The following DNAJC1 variants were observed in gnomAD, a reference collection of about 807,000 sequenced individuals.
The protein encoded by DNAJC1 is DnaJ heat shock protein family (Hsp40) member C1.
A neutral mutation model predicts 76.6 loss-of-function variants in DNAJC1; 58 were observed. That is an observed-to-expected ratio of 0.76 (90% CI 0.61 to 0.94). DNAJC1 has a LOEUF of 0.94. DNAJC1 is among the 40% of genes least tolerant of loss of function. DNAJC1 has a pLI of 0.00. For synonymous variants in DNAJC1, 258 were observed against 267.9 expected (o/e 0.96, Z 0.36); for missense variants, 689 against 677.3 (o/e 1.02, Z -0.19).
intron 1 of DNAJC1, among the ~76,000 whole-genome samples, chr10:21,930,332 T>C (rs1036947825): frequency 2.0e-5 from 3 of 152,194 alleles, no homozygotes; most frequent in Non-Finnish European, 2.9e-5. Flanking sequence ...CATATTAATA[T>C]TGGGCAAAAT....
chr10:21,769,475 A>C (rs1834347062), intron 9 of DNAJC1, among the ~76,000 whole-genome samples: 1 of 152,196 alleles, frequency 6.6e-6, no homozygotes, highest in South Asian at 2.1e-4. Flanking sequence ...TGAGAAGCTA[A>C]AACAAGCAGG....
Position 21,919,933 on chromosome 10 carries a change from A to T in DNAJC1, c.538-4T>A, listed in dbSNP as rs1837014071. 6.4e-7 allele frequency: 1 copy of T among 1,566,116 alleles called. No homozygotes were observed. Among genetic ancestry groups the T allele is most frequent in the Middle Eastern group, 1.7e-4 (1 of 5,894 alleles). On this transcript the variant is annotated splice_region_variant and splice_polypyrimidine_tract_variant and intron_variant, in intron 4 of 11. Coordinates refer to ENST00000376980, the MANE Select transcript of DNAJC1 (RefSeq NM_022365.4). ...TTTTTCTACTTAGTAGTTCATCCTT[A>T]ATGTGGAAAGAATTATGGTTACAGG...
chr10:21,960,443 G>A (rs1010510878), intron 1 of DNAJC1, among the ~76,000 whole-genome samples: 2 of 152,188 alleles, frequency 1.3e-5, no homozygotes, highest in Non-Finnish European at 2.9e-5. Context: ...GACAACTAAG[G>A]CCGGGTGCCT....
chr10:21,882,410 C>T lies in DNAJC1; in HGVS notation c.850G>A (p.Glu284Lys). Residue 284 changes from glutamate (E) to lysine (K), a missense_variant, in exon 8 of 12, where the codon GAA becomes AAA. Glu to Lys is a moderately conservative substitution (Grantham distance 56). Coordinates refer to ENST00000376980, the MANE Select transcript of DNAJC1 (RefSeq NM_022365.4). ...TCTAAAGGTGTGTATACAGGAAATT[C>T]AGGTTTTGGTTTTTTAACTTTCTTC... ...KQKKVKKPKP[E>K]FPVYTPLETT... The T allele has an allele frequency of 6.6e-7, 1 of 1,515,702 alleles. No individual in the cohort carries two copies. Among genetic ancestry groups the T allele is most frequent in the Non-Finnish European group, 8.8e-7 (1 of 1,138,624 alleles). The allele number at this position is 1,515,702 out of a possible 1,614,324, so 93.9% of individuals were successfully genotyped here.
chr10:21,876,177 C>G (rs1441588574), intron 8 of DNAJC1, among the ~76,000 whole-genome samples: 3 of 150,356 alleles, frequency 2.0e-5, no homozygotes, highest in Non-Finnish European at 4.4e-5. Context: ...GTGGCATGAT[C>G]TCTGCTCACT....
At chr10:21,986,449 C>G (rs1312984122) in intron 1 of DNAJC1, among the ~76,000 whole-genome samples, 1 of 152,044 alleles carries the variant, frequency 6.6e-6, no homozygotes, top group Non-Finnish European at 1.5e-5. Flanking sequence ...ATTTGTATAT[C>G]TTCTTGGGTA....
chr10:21,996,138 T>C (rs1322708748), intron 1 of DNAJC1, among the ~76,000 whole-genome samples: 1 of 152,226 alleles, frequency 6.6e-6, no homozygotes, highest in Non-Finnish European at 1.5e-5. Context: ...AATCTCTCTT[T>C]CCACTGCAAT....
chr10:21,947,505 AT>A (rs1837523806), intron 1 of DNAJC1, among the ~76,000 whole-genome samples: 1 of 152,136 alleles, frequency 6.6e-6, no homozygotes, highest in Non-Finnish European at 1.5e-5. Context: ...TAGTAAGTAT[AT>A]TTTCTCTTAT....
intron 6 of DNAJC1, among the ~76,000 whole-genome samples, chr10:21,909,043 C>T (rs577438513): frequency 3.7e-4 from 57 of 152,266 alleles, no homozygotes; most frequent in African/African-American, 1.3e-3. Context: ...CCCACCACCA[C>T]GTCTGGCTAA....
chr10:21,819,307 A>C (rs1835120270), intron 8 of DNAJC1, among the ~76,000 whole-genome samples: 2 of 152,036 alleles, frequency 1.3e-5, no homozygotes, highest in African/African-American at 4.8e-5. Flanking sequence ...AAGCTGAGGC[A>C]GGAAAATCAC....
chr10:21,926,892 T>A (rs753853789), intron 3 of DNAJC1, among the ~76,000 whole-genome samples: 1 of 152,226 alleles, frequency 6.6e-6, no homozygotes, highest in Non-Finnish European at 1.5e-5. Context: ...ACAATTTATA[T>A]ATGAGAAGTG....
At chr10:21,875,690 C>A (rs1251960739) in intron 8 of DNAJC1, among the ~76,000 whole-genome samples, 1 of 152,182 alleles carries the variant, frequency 6.6e-6, no homozygotes, top group East Asian at 1.9e-4. Context: ...GTTTGGGAGG[C>A]CGAGGCAGGC....
intron 8 of DNAJC1, among the ~76,000 whole-genome samples, chr10:21,816,077 G>T (rs942681436): frequency 1.3e-5 from 2 of 151,318 alleles, no homozygotes; most frequent in Non-Finnish European, 2.9e-5. Context: ...TGGATATCCA[G>T]TTGTTCCAAT....
rs374274537 is a variant in DNAJC1, at chr10:21,822,577, C to T, written c.979-16478G>A. Among the ~76,000 whole-genome samples, 7 of 152,112 alleles carry T rather than the reference C, an allele frequency of 4.6e-5. No homozygotes were observed. In the South Asian group the frequency reaches 1.5e-3, roughly 32 times the overall value. Reference sequence around the variant, plus strand: ...ACTTGAAAAAATTTTCTTAAGTTCACAAGGTAATCAAAGACAGGGCTAGAG... The same window carrying T: ...ACTTGAAAAAATTTTCTTAAGTTCATAAGGTAATCAAAGACAGGGCTAGAG... On this transcript the variant is annotated intron_variant, in intron 8 of 11. Coordinates refer to ENST00000376980, the MANE Select transcript of DNAJC1 (RefSeq NM_022365.4).
At chr10:21,799,425 A>C (rs971085948) in intron 9 of DNAJC1, among the ~76,000 whole-genome samples, 1 of 151,844 alleles carries the variant, frequency 6.6e-6, no homozygotes, top group African/African-American at 2.4e-5. Flanking sequence ...CAGCCTCCCA[A>C]ATAGCTGGCA....
intron 8 of DNAJC1, among the ~76,000 whole-genome samples, chr10:21,812,525 C>T (rs748812479): frequency 2.7e-5 from 4 of 150,252 alleles, no homozygotes; most frequent in Admixed American, 6.7e-5. Context: ...TAAGTATTAC[C>T]AAATATTTTC....
intron 8 of DNAJC1, among the ~76,000 whole-genome samples, chr10:21,850,605 C>A (rs11596672): frequency 0.05 from 7,609 of 150,888 alleles, 296 homozygotes; most frequent in Non-Finnish European, 0.076. Context: ...CTACTATGCA[C>A]ATCTATGCAC....
intron 1 of DNAJC1, among the ~76,000 whole-genome samples, chr10:21,970,120 T>C (rs1837954761): frequency 6.6e-6 from 1 of 152,144 alleles, no homozygotes; most frequent in East Asian, 1.9e-4. Flanking sequence ...AGCATTTTGG[T>C]GTTTCTAAGT....
intron 6 of DNAJC1, among the ~76,000 whole-genome samples, chr10:21,913,733 T>C (rs188836637): frequency 2.6e-5 from 4 of 152,318 alleles, no homozygotes; most frequent in African/African-American, 9.6e-5. Context: ...GTGTACTTTC[T>C]TCAAACCCAC....
Sources: gnomAD v4.1 joint callset for allele counts (sites outside exome capture counted in the v4.1 genomes callset) on GRCh38, gnomAD v4.1.1 for gene constraint, MANE v1.5 for transcripts, NCBI Gene and HGNC (gene_info 2026-07-23, HGNC 2026-07-21) for gene names.